TMEM108: variants seen among roughly 807,000 people sequenced by gnomAD.
TMEM108 encodes the protein transmembrane protein 108, also known as cancer/testis antigen 124.
A neutral mutation model predicts 35.1 loss-of-function variants in TMEM108; 12 were observed. That is an observed-to-expected ratio of 0.34 (90% CI 0.22 to 0.55). The LOEUF (loss-of-function observed/expected upper bound fraction) is 0.55. Ranked by LOEUF, TMEM108 falls within the 20% of genes least tolerant of loss-of-function variation. The pLI is 0.89. For synonymous variants in TMEM108, 287 were observed against 308.6 expected, an observed-to-expected ratio of 0.93 and a Z score of 0.73; for missense variants, 680 against 753.3, an observed-to-expected ratio of 0.90 and a Z score of 1.14.
intron 2 of TMEM108, among the ~76,000 whole-genome samples, chr3:133,186,455 A>T (rs900161136): frequency 2.0e-5 from 3 of 152,226 alleles, no homozygotes; most frequent in African/African-American, 7.2e-5. Flanking sequence ...GCGTAATGTA[A>T]ACTGGTTTTA....
chr3:133,176,473 G>A (rs902418086), intron 2 of TMEM108, among the ~76,000 whole-genome samples: 2 of 152,084 alleles, frequency 1.3e-5, no homozygotes, highest in African/African-American at 4.8e-5. Context: ...TTGTCTCTCA[G>A]ACCACAGTGC....
intron 2 of TMEM108, among the ~76,000 whole-genome samples, chr3:133,219,278 A>G (rs190721549): frequency 9.2e-5 from 14 of 152,130 alleles, no homozygotes; most frequent in African/African-American, 3.4e-4. Flanking sequence ...TAGTCTAGCT[A>G]AAAGTTTGTT....
At chr3:133,305,300 T>C (rs1404467621) in intron 3 of TMEM108, among the ~76,000 whole-genome samples, 2 of 133,722 alleles carry the variant, frequency 1.5e-5, no homozygotes, top group South Asian at 2.4e-4. Flanking sequence ...CACTCATAGG[T>C]GGGAATTGAA....
chr3:133,226,701 G>C (rs1441785720), intron 2 of TMEM108, among the ~76,000 whole-genome samples: 2 of 152,116 alleles, frequency 1.3e-5, no homozygotes, highest in East Asian at 3.8e-4. Context: ...GGGGTGCTTA[G>C]AATTTTATTT....
chr3:133,134,090 C>G (rs1409219887), intron 2 of TMEM108, among the ~76,000 whole-genome samples: 1 of 151,854 alleles, frequency 6.6e-6, no homozygotes, highest in East Asian at 1.9e-4. Flanking sequence ...AAGCTGAATA[C>G]TATTCTATAT....
rs1007842879 is a variant in TMEM108 at position 133,140,549 on chromosome 3, A to G, written c.-46-88717A>G. ...GCTGGATAATATTTTACTTCAATAAATCTGGCAAATTTATAAGATCTTTTT... is the reference window on the plus strand; with the variant it reads ...GCTGGATAATATTTTACTTCAATAAGTCTGGCAAATTTATAAGATCTTTTT... On this transcript the variant is annotated intron_variant, in intron 2 of 5. Transcript: ENST00000321871. Among the ~76,000 whole-genome samples, 5 of 152,238 alleles carry G rather than the reference A, an allele frequency of 3.3e-5. No homozygotes were observed. In the South Asian group the frequency reaches 6.2e-4, roughly 19 times the overall value.
rs369228472 is a variant in TMEM108, at chr3:133,181,008, TAAAAAAAAAAA to T, written c.-46-48238_-46-48228del. ...TGTACTGGCTATTGGGCAGTTGTGTTAAAAAAAAAAAAAAAAAAAAAAAAAAAAAACAGCAC... is the reference window on the plus strand; with the variant it reads ...TGTACTGGCTATTGGGCAGTTGTGTTAAAAAAAAAAAAAAAAAAACAGCAC... On this transcript the variant is annotated intron_variant, in intron 2 of 5. Transcript: ENST00000321871. Among the ~76,000 whole-genome samples, 97 of 75,850 alleles carry T rather than the reference TAAAAAAAAAAA, an allele frequency of 1.3e-3. 3 individuals carry two copies. Among genetic ancestry groups the T allele is most frequent in the African/African-American group, 3.6e-3 (70 of 19,530 alleles). 49.8% of individuals were successfully genotyped at this position (75,850 alleles called of 152,430 possible).
At chr3:133,383,562 AAG>A (rs1445896814) in intron 4 of TMEM108, among the ~76,000 whole-genome samples, 1 of 152,158 alleles carries the variant, frequency 6.6e-6, no homozygotes, top group Non-Finnish European at 1.5e-5. Context: ...GCAATTCTAA[AAG>A]AACTCCTACT....
intron 3 of TMEM108, among the ~76,000 whole-genome samples, chr3:133,242,509 G>C (rs546315696): frequency 6.6e-6 from 1 of 152,164 alleles, no homozygotes; most frequent in Admixed American, 6.5e-5. Context: ...GTGTTGAGCT[G>C]GTCTAAAAGC....
intron 2 of TMEM108, among the ~76,000 whole-genome samples, chr3:133,171,162 A>G (rs1945124813): frequency 1.3e-5 from 2 of 152,170 alleles, no homozygotes; most frequent in East Asian, 1.9e-4. Flanking sequence ...TAATCTGTGT[A>G]TCGACATTAT....
At chr3:133,209,051 GT>G (rs1382704443) in intron 2 of TMEM108, among the ~76,000 whole-genome samples, 1 of 152,064 alleles carries the variant, frequency 6.6e-6, no homozygotes, top group Non-Finnish European at 1.5e-5. Context: ...CTCAAGAAGG[GT>G]AAGGCTTTTA....
chr3:133,235,170 A>G (rs1408738146), intron 3 of TMEM108, among the ~76,000 whole-genome samples: 1 of 152,164 alleles, frequency 6.6e-6, no homozygotes, highest in African/African-American at 2.4e-5. Flanking sequence ...GAAAATGGCC[A>G]TACTGCCCAA....
At chr3:133,092,039 G>A (rs185442509) in intron 2 of TMEM108, among the ~76,000 whole-genome samples, 109 of 152,272 alleles carry the variant, frequency 7.2e-4, no homozygotes, top group Non-Finnish European at 1.4e-3. Context: ...AGTACTTGGA[G>A]CTTCCAAATT....
At chr3:133,323,231 C>T (rs2107721086) in intron 3 of TMEM108, among the ~76,000 whole-genome samples, 1 of 152,084 alleles carries the variant, frequency 6.6e-6, no homozygotes, top group Admixed American at 6.5e-5. Flanking sequence ...TTACTGTTCC[C>T]CAATGATATG....
intron 2 of TMEM108, among the ~76,000 whole-genome samples, chr3:133,159,514 A>T (rs1944930631): frequency 6.6e-6 from 1 of 151,936 alleles, no homozygotes; most frequent in South Asian, 2.1e-4. Context: ...TTCTGGTATA[A>T]TTTTTTCCAG....
chr3:133,313,944 T>C (rs1332807055), intron 3 of TMEM108, among the ~76,000 whole-genome samples: 1 of 152,080 alleles, frequency 6.6e-6, no homozygotes, highest in South Asian at 2.1e-4. Context: ...GCATGGATGA[T>C]TAGAATTAGA....
At chr3:133,244,897 T>A (rs763620633) in intron 3 of TMEM108, among the ~76,000 whole-genome samples, 26 of 152,146 alleles carry the variant, frequency 1.7e-4, no homozygotes, top group Admixed American at 2.0e-4. Context: ...AACAGGGAAT[T>A]TAGAAGTTTA....
At chr3:133,290,305 A>G (rs571062608) in intron 3 of TMEM108, among the ~76,000 whole-genome samples, 29 of 152,244 alleles carry the variant, frequency 1.9e-4, no homozygotes, top group African/African-American at 6.3e-4. Flanking sequence ...ACCCTTTTCT[A>G]TGAGACTTAG....
chr3:133,176,840 A>G lies in TMEM108; in HGVS notation c.-46-52426A>G, dbSNP rs553431348. ...CGGAGCAGAACTGAAGGAAATAGAG[A>G]CACAAAAAACCCTTCAAAAAATCAA... On this transcript the variant is annotated intron_variant, in intron 2 of 5. Transcript: ENST00000321871. Among the ~76,000 whole-genome samples, 230 of 152,038 alleles carry G rather than the reference A, an allele frequency of 1.5e-3. 3 individuals carry two copies. The East Asian group carries it at 0.034, about 22-fold the overall frequency.
Sources: gnomAD v4.1 joint callset for allele counts (sites outside exome capture counted in the v4.1 genomes callset) on GRCh38, gnomAD v4.1.1 for gene constraint, MANE v1.5 for transcripts, NCBI Gene and HGNC (gene_info 2026-07-23, HGNC 2026-07-21) for gene names.